RIF1: variants seen among roughly 807,000 people sequenced by gnomAD.
RIF1 encodes the protein telomere-associated protein RIF1.
A neutral mutation model predicts 247.1 loss-of-function variants in RIF1; 45 were observed. The observed-to-expected ratio is 0.18, with a 90% CI of 0.14 to 0.23. RIF1 has a LOEUF of 0.23. Ranked by LOEUF, RIF1 falls within the 10% of genes least tolerant of loss-of-function variation. RIF1 has a pLI of 1.00. For synonymous variants in RIF1, 1,087 were observed against 978.8 expected, an observed-to-expected ratio of 1.11 and a Z score of -2.06; for missense variants, 2,967 against 2,862.5, an observed-to-expected ratio of 1.04 and a Z score of -0.83.
In RIF1 at chr2:151,481,558, T is replaced by A. The variant is rs1324384863; in HGVS notation, c.*6487T>A. 6.6e-6 allele frequency: 1 copy of A among 152,240 alleles called. No individual in the cohort carries two copies. The highest frequency in any genetic ancestry group is 1.5e-5 in the Non-Finnish European group (1 of 68,038). 9.4% of individuals were successfully genotyped at this position (152,240 alleles called of 1,614,324 possible). ...TAACCCTCTAATATTGTTGTCCCGA[T>A]CATTTGGTAAACGCTAAGAGAGCTT... On this transcript the variant is annotated 3_prime_UTR_variant, in exon 36 of 36. Transcript: ENST00000444746.
intron 28 of RIF1, 32 bp from the exon 29 acceptor site, chr2:151,462,380 A>G (rs1253413701): frequency 6.8e-7 from 1 of 1,461,274 alleles, no homozygotes; most frequent in African/African-American, 1.4e-5. Context: ...AAATAATTAT[A>G]AAAATAATAT....
chr2:151,475,383 C>A lies in RIF1; in HGVS notation c.*312C>A. On this transcript the variant is annotated 3_prime_UTR_variant, in exon 36 of 36. Coordinates refer to ENST00000444746, the MANE Select transcript of RIF1 (RefSeq NM_018151.5). ...ATTTTATTTCATGCTTTCTTAAACC[C>A]GTGCATATTCTGGTGAAACATGTAA... is the stretch of plus-strand genomic sequence containing the variant. 3.6e-6 allele frequency: 1 copy of A among 277,780 alleles called. No individual in the cohort carries two copies. The highest frequency in any genetic ancestry group is 6.8e-6 in the Non-Finnish European group (1 of 146,498). The allele number at this position is 277,780 out of a possible 1,614,324, so 17.2% of individuals were successfully genotyped here.
downstream of RIF1, among the ~76,000 whole-genome samples, chr2:151,512,019 C>CTTTTTTTTTTTT (rs71403173): frequency 8.5e-5 from 8 of 93,584 alleles, no homozygotes; most frequent in South Asian, 3.7e-4. Flanking sequence ...CCCTCTCACT[C>CTTTTTTTTTTTT]TTTTTTTTTT....
chr2:151,436,507 C>T (rs1691231655), intron 11 of RIF1, among the ~76,000 whole-genome samples: 1 of 148,136 alleles, frequency 6.8e-6, no homozygotes, highest in South Asian at 2.1e-4. Context: ...TACCACTGCA[C>T]TGCAGCCTGG....
intron 8 of RIF1, among the ~76,000 whole-genome samples, chr2:151,428,213 A>G (rs1189563551): frequency 2.0e-5 from 3 of 152,162 alleles, no homozygotes; most frequent in African/African-American, 7.2e-5. Flanking sequence ...TGGGCGACAG[A>G]GCGAGATTCC....
rs536529073 is a variant in RIF1, at chr2:151,489,554, ACCT to A, written c.*416-5674_*416-5672del. On this transcript the variant is annotated intron_variant and NMD_transcript_variant, in intron 9 of 13. Coordinates refer to the RIF1 transcript ENST00000454583. ...GCTGGGGCTATAGATGCACCACCAC[ACCT>A]GGCTAATTTTTTGGTTTTTAGTAGA... Among the ~76,000 whole-genome samples, 3 of 152,130 alleles carry A rather than the reference ACCT, an allele frequency of 2.0e-5. No individual in the cohort carries two copies. The South Asian group carries it at 6.2e-4, about 32-fold the overall frequency.
At chr2:151,429,908 G>T (rs779905997) in intron 9 of RIF1, among the ~76,000 whole-genome samples, 87 of 152,148 alleles carry the variant, frequency 5.7e-4, no homozygotes, top group Non-Finnish European at 1.1e-3. Context: ...TACAAGAGCT[G>T]CTAAGTAATG....
downstream of RIF1, chr2:151,486,536 A>G (rs1487420216): frequency 6.6e-6 from 1 of 152,428 alleles, no homozygotes; most frequent in Non-Finnish European, 1.5e-5. Flanking sequence ...AGGTCTGCAC[A>G]ATAATTTGTA....
chr2:151,485,895 A>C (rs1187437762), downstream of RIF1: 1 of 1,613,984 alleles, frequency 6.2e-7, no homozygotes, highest in South Asian at 1.1e-5. Flanking sequence ...CCTCATCTGC[A>C]TCAGCAGCCA....
At chr2:151,438,212 G>A (rs996185588) in intron 13 of RIF1, among the ~76,000 whole-genome samples, 7 of 152,288 alleles carry the variant, frequency 4.6e-5, no homozygotes, top group South Asian at 4.1e-4. Flanking sequence ...ACATGGTAGC[G>A]CATGCCTGTA....
chr2:151,496,250 AGTTT>A, intron 10 of RIF1: 2 of 1,539,746 alleles, frequency 1.3e-6, no homozygotes, highest in Admixed American at 3.6e-5. Flanking sequence ...ATCAGTAAGT[AGTTT>A]TTTTCTTTTC....
At position 151,465,150 on chromosome 2, in the gene RIF1, T is replaced by C. The variant is rs140008446; in HGVS notation, c.5630T>C (p.Leu1877Ser). Residue 1877 changes from leucine to serine, a missense_variant, in exon 30 of 36, where the codon TTG becomes TCG. Around this residue, in one of 7 missense-constraint regions of RIF1, gnomAD observed 2,028 missense variants for 1,825.6 expected, o/e 1.11. Coordinates refer to ENST00000444746, the MANE Select transcript of RIF1 (RefSeq NM_018151.5). ...GDSKNVSQES[L>S]ETKEEKPEET... is the part of the protein sequence containing the mutation. Reference sequence around the variant, plus strand: ...TCGAAAAATGTTTCACAGGAATCTTTGGAGACAAAAGAAGAAAAACCAGAA... The same window carrying C: ...TCGAAAAATGTTTCACAGGAATCTTCGGAGACAAAAGAAGAAAAACCAGAA... The C allele has an allele frequency of 6.2e-6, 10 of 1,613,636 alleles. No individual in the cohort carries two copies. The African/African-American group carries it at 1.3e-4, about 22-fold the overall frequency.
intron 10 of RIF1, chr2:151,496,490 A>G: frequency 6.9e-7 from 1 of 1,452,802 alleles, no homozygotes; most frequent in Non-Finnish European, 9.2e-7. Flanking sequence ...GCCAGAAGTT[A>G]TATGCTGACA....
At chr2:151,489,791 T>C (rs1457780133) in intron 9 of RIF1, among the ~76,000 whole-genome samples, 1 of 152,116 alleles carries the variant, frequency 6.6e-6, no homozygotes, top group Non-Finnish European at 1.5e-5. Flanking sequence ...ATGCTTTTCA[T>C]TAATTTGAGT....
rs761328364 is a variant in RIF1 at position 151,437,333 on chromosome 2, G to T, written c.1465G>T (p.Val489Phe). 6.2e-7 allele frequency: 1 copy of T among 1,612,356 alleles called. No homozygotes were observed. Among genetic ancestry groups the T allele is most frequent in the Non-Finnish European group, 8.5e-7 (1 of 1,178,722 alleles). The stretch of plus-strand genomic sequence containing the variant: ...TGCTGTTCATGATAGCTTTGTTGCA[G>T]TTGGAAAAGATGCCCCCGGTAAGAG... ...ITAVHDSFVA[V>F]GKDAPDVVVS... Residue 489 changes from valine to phenylalanine, a missense_variant, in exon 13 of 36, where the codon GTT (valine) becomes TTT (phenylalanine). By Grantham distance (50) the Val-to-Phe change is conservative. Transcript: ENST00000444746.
At position 151,475,191 on chromosome 2, in the gene RIF1, T is replaced by C. The variant is rs2048868672; in HGVS notation, c.*120T>C. ...GACTCTTTGCAAAGTTGATAACATT[T>C]CAAACCCTGAAGGACAGTGACTTAT... On this transcript the variant is annotated 3_prime_UTR_variant, in exon 36 of 36. Coordinates refer to ENST00000444746, the MANE Select transcript of RIF1 (RefSeq NM_018151.5). The C allele has an allele frequency of 4.2e-6, 3 of 714,580 alleles. No individual in the cohort carries two copies. The highest frequency in any genetic ancestry group is 4.8e-5 in the Admixed American group (2 of 41,394). 44.3% of individuals were successfully genotyped at this position (714,580 alleles called of 1,614,324 possible).
intron 22 of RIF1, among the ~76,000 whole-genome samples, 192 bp downstream of exon 22, chr2:151,455,351 T>G (rs1160089940): frequency 2.0e-5 from 3 of 152,226 alleles, no homozygotes; most frequent in South Asian, 4.1e-4. Context: ...TGGAAGTCTA[T>G]TTTGCCTGTT....
chr2:151,433,018 TGTTAGA>T (rs1690467441), intron 9 of RIF1, 53 bp from the exon 10 acceptor site: 4 of 1,312,268 alleles, frequency 3.0e-6, no homozygotes, highest in African/African-American at 2.9e-5. Context: ...GCATAGCTAG[TGTTAGA>T]GTTAATCTTT....
At chr2:151,412,873 G>A (rs1686505279) in intron 3 of RIF1, among the ~76,000 whole-genome samples, 1 of 152,044 alleles carries the variant, frequency 6.6e-6, no homozygotes, top group African/African-American at 2.4e-5. Context: ...TACTCTTGGT[G>A]GTGTCACAGT....
Sources: gnomAD v4.1 joint callset for allele counts (sites outside exome capture counted in the v4.1 genomes callset) on GRCh38, gnomAD v4.1.1 for gene constraint, gnomAD v4.1.1 regional missense constraint, MANE v1.5 for transcripts, NCBI Gene and HGNC (gene_info 2026-07-23, HGNC 2026-07-21) for gene names.